Variants in SERPINA4 observed in about 807,000 individuals in gnomAD.
The protein encoded by SERPINA4 is serpin family A member 4, also known as kallistatin.
SERPINA4 carries 24 observed loss-of-function variants against 25.4 expected under a neutral mutation model. That is an observed-to-expected ratio of 0.95 (90% CI 0.69 to 1.33). SERPINA4 has a LOEUF of 1.33. Among genes scored for constraint, SERPINA4 ranks in the 40% most tolerant of loss-of-function variants. The pLI is 0.00. For synonymous variants in SERPINA4, 242 were observed against 223.6 expected, an observed-to-expected ratio of 1.08 and a Z score of -0.73; for missense variants, 553 against 535.8, an observed-to-expected ratio of 1.03 and a Z score of -0.32.
chr14:94,569,335 G>T (rs1293142394), intron 4 of SERPINA4, 60 bp from the exon 5 acceptor site: 2 of 1,528,992 alleles, frequency 1.3e-6, no homozygotes, highest in East Asian at 2.3e-5. Context: ...GGCTCTCGCA[G>T]TCTTGTCCAG....
At chr14:94,567,758 A>C (rs1902265378) in intron 3 of SERPINA4, among the ~76,000 whole-genome samples, 1 of 152,266 alleles carries the variant, frequency 6.6e-6, no homozygotes, top group Non-Finnish European at 1.5e-5. Flanking sequence ...TTCATGATGG[A>C]GAGAATCCAA....
At chr14:94,565,337 A>G (rs535807010) in intron 2 of SERPINA4, among the ~76,000 whole-genome samples, 4 of 152,280 alleles carry the variant, frequency 2.6e-5, no homozygotes, top group Admixed American at 2.6e-4. Flanking sequence ...GAGCACACAG[A>G]GCACTGCTGA....
chr14:94,568,502 G>T (rs879339956), intron 4 of SERPINA4, among the ~76,000 whole-genome samples: 4 of 152,170 alleles, frequency 2.6e-5, no homozygotes, highest in Admixed American at 2.0e-4. Context: ...CCCTCAGAGA[G>T]CTCTCCCAGT....
In SERPINA4 at chr14:94,563,933, T is replaced by C. The variant is rs1902119849; in HGVS notation, c.451T>C (p.Phe151Leu). 6.2e-7 allele frequency: 1 copy of C among 1,614,162 alleles called. No homozygotes were observed. Among genetic ancestry groups the C allele is most frequent in the Non-Finnish European group, 8.5e-7 (1 of 1,180,036 alleles). The change falls in exon 2 of 5, where the codon TTC (phenylalanine) becomes CTC (leucine). Residue 151 changes from phenylalanine (F) to leucine (L), a missense_variant. Physicochemically the swap from Phe to Leu is conservative, Grantham distance 22 (BLOSUM62 0). Transcript: ENST00000557004. ...SALFLSHNLKFLAKFLNDTMA... is the reference protein window; with the variant it reads ...SALFLSHNLKLLAKFLNDTMA... ...TCTGTTCCTGAGCCACAACCTGAAG[T>C]TCCTTGCAAAATTCCTGAATGACAC... is the stretch of plus-strand genomic sequence containing the variant.
At chr14:94,561,642 A>T (rs1902027881) in intron 1 of SERPINA4, 148 bp downstream of exon 1, 4 of 1,280,820 alleles carry the variant, frequency 3.1e-6, no homozygotes, top group Admixed American at 2.4e-5. Context: ...ACACTTTGTC[A>T]CTCTTGCTAG....
chr14:94,561,463 C>T lies in SERPINA4; in HGVS notation c.-49C>T. 1 of 346,524 alleles carries T rather than the reference C, an allele frequency of 2.9e-6. No homozygotes were observed. The highest frequency in any genetic ancestry group is 5.5e-6 in the Non-Finnish European group (1 of 182,624). 21.5% of individuals were successfully genotyped at this position (346,524 alleles called of 1,614,324 possible). A position where few individuals can be genotyped will look rare whatever the true frequency, so the allele number is the denominator to read the frequency against. ...TGATAAGACAGAGCTGAGACAGCCA[C>T]CCAGGGGGTCCACTCCAGGACAGAC... On this transcript the variant is annotated 5_prime_UTR_variant, in exon 1 of 5. Coordinates refer to ENST00000557004, the MANE Select transcript of SERPINA4 (RefSeq NM_006215.4).
Position 94,566,836 on chromosome 14 carries a change from A to G in SERPINA4, c.650-134A>G, listed in dbSNP as rs543724485. 13 of 1,031,540 alleles carry G rather than the reference A, an allele frequency of 1.3e-5. No individual in the cohort carries two copies. The East Asian group carries it at 2.9e-4, about 23-fold the overall frequency. 63.9% of individuals were successfully genotyped at this position (1,031,540 alleles called of 1,614,324 possible). ...AGGTTTTGAATGGTCAAAATGGGAC[A>G]TCTTGATGGGCTCATAGGGCAGGAT... On this transcript the variant is annotated intron_variant, in intron 2 of 4. Coordinates refer to ENST00000557004, the MANE Select transcript of SERPINA4 (RefSeq NM_006215.4).
intron 1 of SERPINA4, 165 bp downstream of exon 1, chr14:94,561,659 G>C (rs1440563692): frequency 3.5e-5 from 45 of 1,288,110 alleles, no homozygotes; most frequent in Non-Finnish European, 4.6e-5. Flanking sequence ...CTAGAGGTGA[G>C]AAATACTCAG....
At position 94,569,639 on chromosome 14, in the gene SERPINA4, A is replaced by C. The variant is rs766197956; in HGVS notation, c.*44A>C. 1 of 1,601,534 alleles carries C rather than the reference A, an allele frequency of 6.2e-7. No homozygotes were observed. The highest frequency in any genetic ancestry group is 8.6e-7 in the Non-Finnish European group (1 of 1,169,128). On this transcript the variant is annotated 3_prime_UTR_variant, in exon 5 of 5. Coordinates refer to ENST00000557004, the MANE Select transcript of SERPINA4 (RefSeq NM_006215.4). ...TCTGTTCCAAGCAGGAGGATGTGGC[A>C]GGGGAGGGCTGGGAGTGAGTAGCTC...
Position 94,563,372 on chromosome 14 carries a change from C to T in SERPINA4, c.-17-94C>T, listed in dbSNP as rs1270948570. ...ATCTGCAGGAGTTGAGGGTGTCACTCACGATCTCCGGGTGCTGGCCCACTG... is the reference window on the plus strand; with the variant it reads ...ATCTGCAGGAGTTGAGGGTGTCACTTACGATCTCCGGGTGCTGGCCCACTG... On this transcript the variant is annotated intron_variant, in intron 1 of 4. Transcript: ENST00000557004. The T allele has an allele frequency of 3.7e-6, 5 of 1,334,510 alleles. No individual in the cohort carries two copies. In the South Asian group the frequency reaches 4.1e-5, roughly 11 times the overall value. The allele number at this position is 1,334,510 out of a possible 1,614,324, so 82.7% of individuals were successfully genotyped here.
At chr14:94,561,907 A>G in intron 1 of SERPINA4, 1 of 1,279,772 alleles carries the variant, frequency 7.8e-7, no homozygotes, top group South Asian at 1.2e-5. Flanking sequence ...TGAGTGGAGA[A>G]CAGAGAGCAG....
At chr14:94,567,731 A>G (rs78292777) in intron 3 of SERPINA4, among the ~76,000 whole-genome samples, 1,663 of 152,380 alleles carry the variant, frequency 0.011, 32 homozygotes, top group African/African-American at 0.038. Context: ...ACATGTGGAT[A>G]GAAAATTCAC....
chr14:94,568,183 C>A lies in SERPINA4; in HGVS notation c.978C>A (p.Ser326=), dbSNP rs781487663. The change falls in exon 4 of 5, where the codon TCC becomes TCA. Residue 326 remains serine (S), a synonymous_variant. Transcript: ENST00000557004. ...LHLPKFSISG[S]YVLDQILPRL... Reference sequence around the variant, plus strand: ...TTCCCAAGTTCTCCATTTCTGGCTCCTATGTATTAGATCAGATTTTGCCCA... The same window carrying A: ...TTCCCAAGTTCTCCATTTCTGGCTCATATGTATTAGATCAGATTTTGCCCA... The A allele has an allele frequency of 1.2e-6, 2 of 1,614,224 alleles. No individual in the cohort carries two copies.
chr14:94,562,007 A>C (rs1902043718), intron 1 of SERPINA4, among the ~76,000 whole-genome samples: 1 of 152,250 alleles, frequency 6.6e-6, no homozygotes, highest in Non-Finnish European at 1.5e-5. Context: ...CCATGAGCTA[A>C]GAATGCAAGA....
In SERPINA4 at chr14:94,563,892, C is replaced by T; in HGVS notation, c.410C>T (p.Thr137Ile). 1 of 1,614,194 alleles carries T rather than the reference C, an allele frequency of 6.2e-7. No individual in the cohort carries two copies. Among genetic ancestry groups the T allele is most frequent in the Non-Finnish European group, 8.5e-7 (1 of 1,180,046 alleles). Reference sequence around the variant, plus strand: ...AACCTCCCCGGCCATGGGCTGGAAACACGCGTGGGCAGTGCTCTGTTCCTG... The same window carrying T: ...AACCTCCCCGGCCATGGGCTGGAAATACGCGTGGGCAGTGCTCTGTTCCTG... The part of the protein sequence containing the change: ...TLNLPGHGLE[T>I]RVGSALFLSH... Residue 137 changes from threonine (T) to isoleucine (I), a missense_variant, in exon 2 of 5, where the codon ACA becomes ATA. Physicochemically the swap from Thr to Ile is moderately conservative, Grantham distance 89. Coordinates refer to ENST00000557004, the MANE Select transcript of SERPINA4 (RefSeq NM_006215.4).
chr14:94,568,075 C>G, intron 3 of SERPINA4, 54 bp from the exon 4 acceptor site: 1 of 1,591,142 alleles, frequency 6.3e-7, no homozygotes, highest in African/African-American at 1.3e-5. Flanking sequence ...CTCTGCCCAG[C>G]AGGGATCCTG....
At chr14:94,562,406 C>A (rs1297624908) in intron 1 of SERPINA4, among the ~76,000 whole-genome samples, 1 of 151,936 alleles carries the variant, frequency 6.6e-6, no homozygotes, top group Non-Finnish European at 1.5e-5. Flanking sequence ...TGGTGAGACC[C>A]CAACTCTATA....
In SERPINA4 at chr14:94,569,512, C is replaced by T. The variant is rs200381814; in HGVS notation, c.1201C>T (p.Arg401Trp). Residue 401 changes from arginine to tryptophan, a missense_variant, in exon 5 of 5, where the codon CGG becomes TGG. Coordinates refer to ENST00000557004, the MANE Select transcript of SERPINA4 (RefSeq NM_006215.4). ...QTNRHILRFN[R>W]PFLVVIFSTS... is the part of the protein sequence containing the mutation. ...CAATCGCCACATCCTGCGATTCAAC[C>T]GGCCCTTCCTTGTGGTGATCTTTTC... 1.0e-4 allele frequency: 169 copies of T among 1,614,204 alleles called. 1 individual carries two copies. In the South Asian group the frequency reaches 1.1e-3, roughly 11 times the overall value.
intron 1 of SERPINA4, 87 bp from the exon 2 acceptor site, chr14:94,563,379 T>C (rs1396719241): frequency 3.6e-6 from 5 of 1,396,662 alleles, no homozygotes; most frequent in East Asian, 2.3e-5. Context: ...ACTCACGATC[T>C]CCGGGTGCTG....
Sources: gnomAD v4.1 joint callset for allele counts (sites outside exome capture counted in the v4.1 genomes callset) on GRCh38, gnomAD v4.1.1 for gene constraint, MANE v1.5 for transcripts, NCBI Gene and HGNC (gene_info 2026-07-23, HGNC 2026-07-21) for gene names.